Variants in PBX1 observed in about 807,000 individuals in gnomAD.
PBX1 encodes PBX homeobox 1.
A neutral mutation model predicts 53.4 loss-of-function variants in PBX1; 6 were observed. The observed-to-expected ratio is 0.11, with a 90% CI of 0.06 to 0.22. The LOEUF (loss-of-function observed/expected upper bound fraction) is 0.22, where lower values mean the gene tolerates loss of function less well. PBX1 is among the 10% of genes least tolerant of loss of function. PBX1 has a pLI of 1.00. For missense variants in PBX1, 251 were observed against 551.4 expected (o/e 0.46, Z 5.46); for synonymous variants, 204 against 212.3 (o/e 0.96, Z 0.34).
At chr1:164,795,638 T>C (rs1394513271) in intron 3 of PBX1, among the ~76,000 whole-genome samples, 1 of 152,204 alleles carries the variant, frequency 6.6e-6, no homozygotes, top group Non-Finnish European at 1.5e-5. Flanking sequence ...TGCTTAATAA[T>C]TTATTAATAT....
chr1:164,809,317 A>T (rs1273607204), intron 5 of PBX1, among the ~76,000 whole-genome samples: 3 of 152,160 alleles, frequency 2.0e-5, no homozygotes, highest in Non-Finnish European at 2.9e-5. Context: ...TCAAGGTACA[A>T]ATAGTGTGTC....
In PBX1 at chr1:164,821,604, T is replaced by A. The variant is rs1196974442; in HGVS notation, c.1178T>A (p.Met393Lys). Residue 393 changes from methionine (M) to lysine (K), a missense_variant, in exon 8 of 9, where the codon ATG becomes AAG. Physicochemically the swap from Met to Lys is moderately conservative, Grantham distance 95 (BLOSUM62 -1). Coordinates refer to ENST00000420696, the MANE Select transcript of PBX1 (RefSeq NM_002585.4). ...GYSDGLAASQ[M>K]YSPQGISANG... is the part of the protein sequence containing the mutation. ...AGTGATGGACTCGCAGCCAGTCAGATGTACAGTCCGCAGGGCATCAGTGTA... is the reference window on the plus strand; with the variant it reads ...AGTGATGGACTCGCAGCCAGTCAGAAGTACAGTCCGCAGGGCATCAGTGTA... The A allele has an allele frequency of 6.2e-7, 1 of 1,613,950 alleles. No homozygotes were observed. Among genetic ancestry groups the A allele is most frequent in the Non-Finnish European group, 8.5e-7 (1 of 1,179,858 alleles).
chr1:164,576,440 G>A (rs1033906548), intron 2 of PBX1, among the ~76,000 whole-genome samples: 1 of 152,150 alleles, frequency 6.6e-6, no homozygotes, highest in African/African-American at 2.4e-5. Flanking sequence ...TGCACCCTGC[G>A]CCTTGCACCG....
chr1:164,750,870 A>G (rs1666174516), intron 2 of PBX1, among the ~76,000 whole-genome samples: 1 of 152,202 alleles, frequency 6.6e-6, no homozygotes, highest in Admixed American at 6.5e-5. Flanking sequence ...CTGGGGAAGC[A>G]AAAGAGAAAT....
intron 2 of PBX1, among the ~76,000 whole-genome samples, chr1:164,652,609 T>C (rs1288812053): frequency 6.6e-6 from 1 of 152,160 alleles, no homozygotes; most frequent in Non-Finnish European, 1.5e-5. Flanking sequence ...TTCAGTGTTT[T>C]TCCCTTATAC....
chr1:164,669,354 G>A (rs1426531154), intron 2 of PBX1, among the ~76,000 whole-genome samples: 2 of 152,120 alleles, frequency 1.3e-5, no homozygotes, highest in African/African-American at 2.4e-5. Flanking sequence ...ACTTTCTTGA[G>A]GTTGGGGAGA....
chr1:164,601,711 T>G (rs1471027637), intron 2 of PBX1, among the ~76,000 whole-genome samples: 1 of 152,196 alleles, frequency 6.6e-6, no homozygotes, highest in African/African-American at 2.4e-5. Context: ...ATTTTGAGCT[T>G]TCACTGTATT....
At chr1:164,633,787 G>A (rs1352905018) in intron 2 of PBX1, among the ~76,000 whole-genome samples, 1 of 152,156 alleles carries the variant, frequency 6.6e-6, no homozygotes, top group Non-Finnish European at 1.5e-5. Flanking sequence ...TATGTAATAG[G>A]AAGGATAATA....
intron 8 of PBX1, among the ~76,000 whole-genome samples, chr1:164,833,759 T>G (rs1327410179): frequency 6.6e-6 from 1 of 152,138 alleles, no homozygotes; most frequent in East Asian, 1.9e-4. Context: ...GGGTTTTGTG[T>G]GTATGTTTTT....
chr1:164,681,943 C>A (rs1273404523), intron 2 of PBX1, among the ~76,000 whole-genome samples: 1 of 152,136 alleles, frequency 6.6e-6, no homozygotes, highest in Non-Finnish European at 1.5e-5. Flanking sequence ...AATGAAGAAA[C>A]ATTAAATACA....
chr1:164,883,293 C>T (rs1558058718), intron 2 of PBX1, among the ~76,000 whole-genome samples: 1 of 152,188 alleles, frequency 6.6e-6, no homozygotes, highest in Non-Finnish European at 1.5e-5. Context: ...AAAAATCTGT[C>T]TTCAGCTATT....
intron 2 of PBX1, among the ~76,000 whole-genome samples, chr1:164,695,246 G>T (rs1333373171): frequency 2.0e-5 from 3 of 152,126 alleles, no homozygotes; most frequent in Non-Finnish European, 4.4e-5. Context: ...TGGCATTACA[G>T]TCTGCTGAGA....
At chr1:164,877,490 G>A (rs545124367) in intron 2 of PBX1, among the ~76,000 whole-genome samples, 11 of 152,026 alleles carry the variant, frequency 7.2e-5, no homozygotes, top group African/African-American at 2.4e-4. Flanking sequence ...TGGTGAAACC[G>A]CCTGTCTCCT....
At chr1:164,611,968 C>T (rs1656967043) in intron 2 of PBX1, among the ~76,000 whole-genome samples, 1 of 152,114 alleles carries the variant, frequency 6.6e-6, no homozygotes, top group African/African-American at 2.4e-5. Context: ...CCCCAGCCTC[C>T]CCTTGGCCCA....
intron 2 of PBX1, among the ~76,000 whole-genome samples, chr1:164,879,408 G>A (rs1481550485): frequency 6.6e-6 from 1 of 152,190 alleles, no homozygotes; most frequent in African/African-American, 2.4e-5. Flanking sequence ...ATGAAGGGAA[G>A]GTTGGGGTTC....
At chr1:164,752,159 C>T (rs1467350368) in intron 2 of PBX1, among the ~76,000 whole-genome samples, 1 of 150,478 alleles carries the variant, frequency 6.6e-6, no homozygotes, top group Non-Finnish European at 1.5e-5. Context: ...AACAAACAAG[C>T]GGAGATGTCA....
chr1:164,654,974 G>A (rs191762838), intron 2 of PBX1, among the ~76,000 whole-genome samples: 4 of 152,268 alleles, frequency 2.6e-5, no homozygotes, highest in South Asian at 2.1e-4. Flanking sequence ...GGCTCCTAGC[G>A]TGGCCTTCTT....
At chr1:164,810,327 A>G (rs1391198939) in intron 5 of PBX1, among the ~76,000 whole-genome samples, 3 of 152,174 alleles carry the variant, frequency 2.0e-5, no homozygotes, top group African/African-American at 7.2e-5. Flanking sequence ...ATTCATGATA[A>G]CACTCATTTT....
At chr1:164,858,422 T>C (rs1490163944) in intron 2 of PBX1, among the ~76,000 whole-genome samples, 1 of 149,286 alleles carries the variant, frequency 6.7e-6, no homozygotes, top group Non-Finnish European at 1.5e-5. Context: ...ACTGATAAAA[T>C]GCTCTGTCAC....
Sources: allele counts gnomAD v4.1 joint callset (sites outside exome capture counted in the v4.1 genomes callset), GRCh38; gene constraint gnomAD v4.1.1; transcripts MANE v1.5; gene names NCBI Gene and HGNC (gene_info 2026-07-23, HGNC 2026-07-21).